The following NXPH3 variants were observed in gnomAD, a reference collection of about 807,000 sequenced individuals.
NXPH3 encodes neurexophilin 3, also known as neurexophilin-3.
A neutral mutation model predicts 18.8 loss-of-function variants in NXPH3; 7 were observed. That is an observed-to-expected ratio of 0.37 (90% confidence interval 0.21 to 0.70). The LOEUF (loss-of-function observed/expected upper bound fraction) is 0.70. Among genes scored for constraint, NXPH3 ranks in the 30% least tolerant of loss-of-function variants. NXPH3 has a pLI of 0.53. For missense variants in NXPH3, 282 were observed against 338.1 expected (o/e 0.83, Z 1.30); for synonymous variants, 101 against 137.3 (o/e 0.74, Z 1.85).
In NXPH3 at chr17:49,581,691, G is replaced by T; in HGVS notation, c.*2391G>T. 1.4e-6 allele frequency: 1 copy of T among 702,582 alleles called. No homozygotes were observed. Among genetic ancestry groups the T allele is most frequent in the South Asian group, 1.5e-5 (1 of 67,608 alleles). The allele number at this position is 702,582 out of a possible 1,614,324, so 43.5% of individuals were successfully genotyped here. ...CACCAATGGACACCCACCGTGTGCC[G>T]TTCAGCCTCCCACAGTGCTGTGGAG... is the stretch of plus-strand genomic sequence containing the variant. On this transcript the variant is annotated 3_prime_UTR_variant, in exon 2 of 2. Coordinates refer to ENST00000328741, the MANE Select transcript of NXPH3 (RefSeq NM_007225.4).
At position 49,582,447 on chromosome 17, in the gene NXPH3, C is replaced by G. The variant is rs972745417; in HGVS notation, c.*3147C>G. The stretch of plus-strand genomic sequence containing the variant: ...CTGGGGGCTGCCGGGGGCCTTGTCT[C>G]CTCCATCAGTGGAGCCTCTGGGACA... On this transcript the variant is annotated 3_prime_UTR_variant, in exon 2 of 2. Coordinates refer to ENST00000328741, the MANE Select transcript of NXPH3 (RefSeq NM_007225.4). The G allele has an allele frequency of 6.6e-6, 1 of 152,664 alleles. No homozygotes were observed. Among genetic ancestry groups the G allele is most frequent in the Admixed American group, 6.5e-5 (1 of 15,310 alleles). 9.5% of individuals were successfully genotyped at this position (152,664 alleles called of 1,614,324 possible). A position where few individuals can be genotyped will look rare whatever the true frequency, so the allele number is the denominator to read the frequency against.
rs1455502407 is a variant in NXPH3, at chr17:49,581,339, G to A, written c.*2039G>A. 1.9e-6 allele frequency: 1 copy of A among 535,960 alleles called. No individual in the cohort carries two copies. The highest frequency in any genetic ancestry group is 3.3e-6 in the Non-Finnish European group (1 of 305,842). The allele number at this position is 535,960 out of a possible 1,614,324, so 33.2% of individuals were successfully genotyped here. On this transcript the variant is annotated 3_prime_UTR_variant, in exon 2 of 2. Transcript: ENST00000328741. ...TCATTCTAAGTCGGCTCTCTTGGGA[G>A]GGCAGCACTCAGGGCCCTTTGGGCC...
chr17:49,583,543 C>T lies in NXPH3; in HGVS notation c.*4243C>T, dbSNP rs1419470896. 1 of 152,204 alleles carries T rather than the reference C, an allele frequency of 6.6e-6. No homozygotes were observed. Among genetic ancestry groups the T allele is most frequent in the Non-Finnish European group, 1.5e-5 (1 of 68,032 alleles). The allele number at this position is 152,204 out of a possible 1,614,324, so 9.4% of individuals were successfully genotyped here. A position where few individuals can be genotyped will look rare whatever the true frequency, so the allele number is the denominator to read the frequency against. On this transcript the variant is annotated 3_prime_UTR_variant, in exon 2 of 2. Coordinates refer to ENST00000328741, the MANE Select transcript of NXPH3 (RefSeq NM_007225.4). ...TAATTCAAGTGAAGGATGCCTAGTT[C>T]AAGGCCTCCCAGTTCCTCATCCCAG...
chr17:49,582,284 GC>G lies in NXPH3; in HGVS notation c.*2987del. ...CTCTGAAGAAACCTGTCCCCACTCTGCCCAGACCCCAAAGGGCCAGGTCCTA... is the reference window on the plus strand; with the variant it reads ...CTCTGAAGAAACCTGTCCCCACTCTGCCAGACCCCAAAGGGCCAGGTCCTA... On this transcript the variant is annotated 3_prime_UTR_variant, in exon 2 of 2. Coordinates refer to ENST00000328741, the MANE Select transcript of NXPH3 (RefSeq NM_007225.4). 1 of 199,586 alleles carries G rather than the reference GC, an allele frequency of 5.0e-6. No homozygotes were observed. Among genetic ancestry groups the G allele is most frequent in the Non-Finnish European group, 1.0e-5 (1 of 98,666 alleles). The allele number at this position is 199,586 out of a possible 1,614,324, so 12.4% of individuals were successfully genotyped here.
intron 1 of NXPH3, among the ~76,000 whole-genome samples, chr17:49,576,815 A>G (rs1174434270): frequency 8.3e-6 from 1 of 120,532 alleles, no homozygotes; most frequent in Non-Finnish European, 1.6e-5. Flanking sequence ...CCGGAGCCCC[A>G]CAGGACTTGG....
chr17:49,583,804 C>T lies in NXPH3; in HGVS notation c.*4504C>T, dbSNP rs2071612638. Reference sequence around the variant, plus strand: ...TGTTAGGAAAATTAAATGAGTTGCTCAATAAATGTTACTTCCTCCTGTCTT... The same window carrying T: ...TGTTAGGAAAATTAAATGAGTTGCTTAATAAATGTTACTTCCTCCTGTCTT... On this transcript the variant is annotated 3_prime_UTR_variant, in exon 2 of 2. Transcript: ENST00000328741. 1 of 152,126 alleles carries T rather than the reference C, an allele frequency of 6.6e-6. No homozygotes were observed. Among genetic ancestry groups the T allele is most frequent in the Non-Finnish European group, 1.5e-5 (1 of 68,020 alleles). 9.4% of individuals were successfully genotyped at this position (152,126 alleles called of 1,614,324 possible).
chr17:49,576,810 G>A (rs1409106394), intron 1 of NXPH3, among the ~76,000 whole-genome samples: 1 of 150,142 alleles, frequency 6.7e-6, no homozygotes, highest in Non-Finnish European at 1.5e-5. Context: ...CGCAGCCGGA[G>A]CCCCACAGGA....
Position 49,581,611 on chromosome 17 carries a change from G to A in NXPH3, c.*2311G>A, listed in dbSNP as rs553107081. 16 of 702,152 alleles carry A rather than the reference G, an allele frequency of 2.3e-5. No homozygotes were observed. In the South Asian group the frequency reaches 2.4e-4, roughly 10 times the overall value. The allele number at this position is 702,152 out of a possible 1,614,324, so 43.5% of individuals were successfully genotyped here. A position where few individuals can be genotyped will look rare whatever the true frequency, so the allele number is the denominator to read the frequency against. ...ATGTGAGACACACACCCCTCCTCCA[G>A]ACCACCCTCCGCTCCCCACCCTGGA... On this transcript the variant is annotated 3_prime_UTR_variant, in exon 2 of 2. Transcript: ENST00000328741.
Position 49,578,974 on chromosome 17 carries a change from T to A in NXPH3, c.433T>A (p.Ser145Thr). 6.2e-7 allele frequency: 1 copy of A among 1,614,004 alleles called. No individual in the cohort carries two copies. The highest frequency in any genetic ancestry group is 1.1e-5 in the South Asian group (1 of 91,080). ...CAATGCCACAGGCCAGGGAAACATC[T>A]CCATCAGCCTCGTGCCCCCCAGTAA... ...QHNATGQGNI[S>T]ISLVPPSKAV... The change falls in exon 2 of 2, where the codon TCC becomes ACC. Residue 145 changes from serine to threonine, a missense_variant. Ser to Thr is a moderately conservative substitution (Grantham distance 58). Transcript: ENST00000328741. This position sits in a 1 kb window ranked among gnomAD's most constrained non-coding sequence, Gnocchi z 4.5.
Position 49,578,523 on chromosome 17 carries a change from G to C in NXPH3, c.55-73G>C. 1 of 1,211,672 alleles carries C rather than the reference G, an allele frequency of 8.3e-7. No homozygotes were observed. Among genetic ancestry groups the C allele is most frequent in the Non-Finnish European group, 1.2e-6 (1 of 867,972 alleles). 75.1% of individuals were successfully genotyped at this position (1,211,672 alleles called of 1,614,324 possible). A position where few individuals can be genotyped will look rare whatever the true frequency, so the allele number is the denominator to read the frequency against. ...GGTCAGAGTGAAGTGGCAGGGACAG[G>C]GGTACTGCTGGTAGCGGGGGTGGTG... On this transcript the variant is annotated intron_variant, in intron 1 of 1. Transcript: ENST00000328741. This position sits in a 1 kb window ranked among gnomAD's most constrained non-coding sequence, Gnocchi z 4.5.
chr17:49,580,341 A>T lies in NXPH3; in HGVS notation c.*1041A>T, dbSNP rs558289811. 4.6e-5 allele frequency: 7 copies of T among 152,286 alleles called. No homozygotes were observed. Among genetic ancestry groups the T allele is most frequent in the Non-Finnish European group, 1.0e-4 (7 of 68,082 alleles). 9.4% of individuals were successfully genotyped at this position (152,286 alleles called of 1,614,324 possible). ...GAATCGTGTTCTTGGAGCAGGAAAT[A>T]AAGCTTGCCCCGGGGCACTGGAGTC... On this transcript the variant is annotated 3_prime_UTR_variant, in exon 2 of 2. Transcript: ENST00000328741.
rs1485921401 is a variant in NXPH3, at chr17:49,578,298, C to G, written c.55-298C>G. 6.6e-6 allele frequency among the ~76,000 whole-genome samples: 1 copy of G among 151,906 alleles called. No homozygotes were observed. Among genetic ancestry groups the G allele is most frequent in the Non-Finnish European group, 1.5e-5 (1 of 67,994 alleles). On this transcript the variant is annotated intron_variant, in intron 1 of 1. Transcript: ENST00000328741. The surrounding 1 kb of genome is among the most constrained non-coding windows in gnomAD (Gnocchi z 4.5). ...ACTGGGGACTCCCTAGGGGTAGGAG[C>G]CGTTGTCCCTGGTGCCACAGTTCAC...
In NXPH3 at chr17:49,578,859, C is replaced by T. The variant is rs769545387; in HGVS notation, c.318C>T (p.Tyr106=). ...AAATCTTTGGCTGGGGCGACTTCTACTCCAACATCAAGACGGTGGCCCTGA... is the reference window on the plus strand; with the variant it reads ...AAATCTTTGGCTGGGGCGACTTCTATTCCAACATCAAGACGGTGGCCCTGA... ...VKKIFGWGDF[Y]SNIKTVALNL... The change falls in exon 2 of 2, where the codon TAC becomes TAT. Residue 106 remains tyrosine (Y), a synonymous_variant. Coordinates refer to ENST00000328741, the MANE Select transcript of NXPH3 (RefSeq NM_007225.4). This position sits in a 1 kb window ranked among gnomAD's most constrained non-coding sequence, Gnocchi z 4.5. 1 of 1,614,176 alleles carries T rather than the reference C, an allele frequency of 6.2e-7. No homozygotes were observed. The highest frequency in any genetic ancestry group is 1.1e-5 in the South Asian group (1 of 91,088).
intron 1 of NXPH3, 101 bp downstream of exon 1, chr17:49,576,374 A>C: frequency 6.1e-6 from 8 of 1,314,226 alleles, no homozygotes; most frequent in Non-Finnish European, 7.4e-6. Context: ...CCTTCCCCCG[A>C]CATCCCGGGG....
intron 1 of NXPH3, among the ~76,000 whole-genome samples, chr17:49,577,540 G>T (rs1278435943): frequency 1.3e-5 from 2 of 152,226 alleles, no homozygotes; most frequent in African/African-American, 2.4e-5. Context: ...GAATCTCCCA[G>T]GTGTGGGTTG....
intron 1 of NXPH3, among the ~76,000 whole-genome samples, chr17:49,577,224 G>A (rs1263809973): frequency 6.6e-6 from 1 of 152,066 alleles, no homozygotes; most frequent in Non-Finnish European, 1.5e-5. Context: ...CCCACCTCTG[G>A]GGCCTGGCAG....
Position 49,580,172 on chromosome 17 carries a change from T to C in NXPH3, c.*872T>C, listed in dbSNP as rs1281612530. ...AGACCGGGGTTCTCCCGGATCTGGA[T>C]GGCGCCGCCCTCTCAGCAGCGGGCA... On this transcript the variant is annotated 3_prime_UTR_variant, in exon 2 of 2. Coordinates refer to ENST00000328741, the MANE Select transcript of NXPH3 (RefSeq NM_007225.4). The C allele has an allele frequency of 6.9e-6, 1 of 145,098 alleles. No individual in the cohort carries two copies. The highest frequency in any genetic ancestry group is 1.5e-5 in the Non-Finnish European group (1 of 66,640). The allele number at this position is 145,098 out of a possible 1,614,324, so 9.0% of individuals were successfully genotyped here.
rs1449521446 is a variant in NXPH3, at chr17:49,582,644, C to G, written c.*3344C>G. 1 of 152,270 alleles carries G rather than the reference C, an allele frequency of 6.6e-6. No homozygotes were observed. The highest frequency in any genetic ancestry group is 2.4e-5 in the African/African-American group (1 of 41,452). The allele number at this position is 152,270 out of a possible 1,614,324, so 9.4% of individuals were successfully genotyped here. ...CCTGAGGGCAGAAGCTATGCCTCCC[C>G]TCATCAGACTGGAGTCTCCCTGAGG... On this transcript the variant is annotated 3_prime_UTR_variant, in exon 2 of 2. Transcript: ENST00000328741.
At position 49,580,162 on chromosome 17, in the gene NXPH3, C is replaced by T. The variant is rs1323880738; in HGVS notation, c.*862C>T. 2.0e-5 allele frequency: 3 copies of T among 150,576 alleles called. No homozygotes were observed. The highest frequency in any genetic ancestry group is 4.4e-5 in the Non-Finnish European group (3 of 67,702). 9.3% of individuals were successfully genotyped at this position (150,576 alleles called of 1,614,324 possible). A position where few individuals can be genotyped will look rare whatever the true frequency, so the allele number is the denominator to read the frequency against. ...CTCACCTGTCAGACCGGGGTTCTCC[C>T]GGATCTGGATGGCGCCGCCCTCTCA... is the stretch of plus-strand genomic sequence containing the variant. On this transcript the variant is annotated 3_prime_UTR_variant, in exon 2 of 2. Coordinates refer to ENST00000328741, the MANE Select transcript of NXPH3 (RefSeq NM_007225.4).
Sources: allele counts gnomAD v4.1 joint callset (sites outside exome capture counted in the v4.1 genomes callset), GRCh38; gene constraint gnomAD v4.1.1; non-coding constraint Gnocchi (gnomAD v3.1); transcripts MANE v1.5; gene names NCBI Gene and HGNC (gene_info 2026-07-23, HGNC 2026-07-21).